The following CDC27 variants were observed in gnomAD, a reference collection of about 807,000 sequenced individuals.
The protein encoded by CDC27 is cell division cycle 27.
Under a neutral mutation model 109.7 loss-of-function variants are expected in CDC27, and 27 were observed. The ratio of observed to expected loss-of-function variants is 0.25; its 90% CI spans 0.18 to 0.34. The LOEUF is 0.34. Among genes scored for constraint, CDC27 ranks in the 10% least tolerant of loss-of-function variants. CDC27 has a pLI of 1.00. For synonymous variants in CDC27, 266 were observed against 333.9 expected, an observed-to-expected ratio of 0.80 and a Z score of 2.22; for missense variants, 579 against 960.2, an observed-to-expected ratio of 0.60 and a Z score of 5.25.
intron 11 of CDC27, 57 bp from the exon 12 acceptor site, chr17:47,142,082 T>G: frequency 7.5e-7 from 1 of 1,338,240 alleles, no homozygotes. Flanking sequence ...AGTCTGCTTC[T>G]CTAGAAAAGG....
chr17:47,127,092 C>T (rs1031342153), intron 16 of CDC27, among the ~76,000 whole-genome samples: 1 of 152,050 alleles, frequency 6.6e-6, no homozygotes, highest in African/African-American at 2.4e-5. Flanking sequence ...CGGCACCTGG[C>T]CCTAAAAGAA....
intron 18 of CDC27, 112 bp downstream of exon 18, chr17:47,122,331 AT>A: frequency 1.5e-6 from 1 of 681,686 alleles, no homozygotes; most frequent in South Asian, 3.4e-5. Flanking sequence ...CTAAAAGTCC[AT>A]TTGGTATAAT....
At position 47,121,034 on chromosome 17, in the gene CDC27, G is replaced by A. The variant is rs938904; in HGVS notation, c.2393-17C>T. 613,210 of 1,563,096 alleles carry A rather than the reference G, an allele frequency of 0.39. 122,444 individuals are homozygous for A. Among genetic ancestry groups the A allele is most frequent in the Admixed American group, 0.46 (26,696 of 58,482 alleles). Reference sequence around the variant, plus strand: ...CTGTTCCCACTTTAAAAATAAAACAGAAGTCCACAGTAAGTTTTCTGACAA... The same window carrying A: ...CTGTTCCCACTTTAAAAATAAAACAAAAGTCCACAGTAAGTTTTCTGACAA... On this transcript the variant is annotated splice_polypyrimidine_tract_variant and intron_variant, in intron 18 of 18. Transcript: ENST00000066544.
At chr17:47,159,241 T>C in intron 4 of CDC27, 9 of 516,234 alleles carry the variant, frequency 1.7e-5, no homozygotes, top group Non-Finnish European at 6.7e-6. Context: ...GAGACTCTAG[T>C]GTGGGTCTTG....
At position 47,118,699 on chromosome 17, in the gene CDC27, G is replaced by A. The variant is rs151090024; in HGVS notation, c.*2236C>T. ...GCTTGATCAAAATGTGTTCTTCTTC[G>A]GGTTGTTTGATCCCCATTCCATGCA... On this transcript the variant is annotated 3_prime_UTR_variant, in exon 19 of 19. Transcript: ENST00000066544. 5.9e-5 allele frequency: 9 copies of A among 152,596 alleles called. No individual in the cohort carries two copies. The East Asian group carries it at 1.7e-3, about 29-fold the overall frequency. The allele number at this position is 152,596 out of a possible 1,614,324, so 9.5% of individuals were successfully genotyped here.
chr17:47,129,592 T>C, intron 15 of CDC27, 71 bp from the exon 16 acceptor site: 1 of 1,045,082 alleles, frequency 9.6e-7, no homozygotes, highest in Non-Finnish European at 1.4e-6. Flanking sequence ...CCAACGTGAC[T>C]CAAAACCAAC....
intron 4 of CDC27, among the ~76,000 whole-genome samples, chr17:47,169,183 G>A (rs1459927420): frequency 6.6e-6 from 1 of 151,578 alleles, no homozygotes; most frequent in Non-Finnish European, 1.5e-5. Context: ...TAGAGATGGG[G>A]TCTTGGTATG....
At position 47,187,654 on chromosome 17, in the gene CDC27, T is replaced by C. The variant is rs563084016; in HGVS notation, c.27+1492A>G. Among the ~76,000 whole-genome samples the C allele has an allele frequency of 2.1e-3, 323 of 151,456 alleles. 4 individuals are homozygous for C. Among genetic ancestry groups the C allele is most frequent in the African/African-American group, 7.3e-3 (302 of 41,228 alleles). On this transcript the variant is annotated intron_variant, in intron 1 of 18. Coordinates refer to ENST00000066544, the MANE Select transcript of CDC27 (RefSeq NM_001256.6). ...ATTATTAAATGGTGGTTATAGTCTA[T>C]CAATGCAACTAGTTTATCACTTTAG...
chr17:47,179,666 C>T (rs1567720521), intron 2 of CDC27, among the ~76,000 whole-genome samples: 1 of 152,172 alleles, frequency 6.6e-6, no homozygotes, highest in Non-Finnish European at 1.5e-5. Flanking sequence ...TCTGCTCTTA[C>T]TACACTTAAT....
intron 2 of CDC27, among the ~76,000 whole-genome samples, chr17:47,173,680 T>C (rs1246809555): frequency 6.6e-6 from 1 of 150,706 alleles, no homozygotes; most frequent in African/African-American, 2.4e-5. Flanking sequence ...ATTCTTTTTG[T>C]GTGTACATGT....
At chr17:47,184,645 T>A (rs963663555) in intron 1 of CDC27, among the ~76,000 whole-genome samples, 1 of 152,224 alleles carries the variant, frequency 6.6e-6, no homozygotes, top group Admixed American at 6.5e-5. Flanking sequence ...CATTCCCTTA[T>A]CACCAGTTCT....
chr17:47,147,269 C>T (rs533350392), intron 9 of CDC27, among the ~76,000 whole-genome samples: 18 of 151,512 alleles, frequency 1.2e-4, no homozygotes, highest in African/African-American at 3.9e-4. Context: ...CATGGTGGCG[C>T]GCGCCTGTAG....
chr17:47,152,597 G>A (rs1330448705), intron 8 of CDC27, among the ~76,000 whole-genome samples: 1 of 151,910 alleles, frequency 6.6e-6, no homozygotes, highest in Admixed American at 6.6e-5. Context: ...AATGATCTAT[G>A]ACTATTGTAT....
chr17:47,134,791 T>C (rs1041162815), intron 14 of CDC27, among the ~76,000 whole-genome samples: 2 of 150,460 alleles, frequency 1.3e-5, no homozygotes, highest in East Asian at 1.9e-4. Context: ...TTTTCTTTTT[T>C]TTTTTTTTTT....
chr17:47,154,172 A>C (rs748101806), intron 8 of CDC27, among the ~76,000 whole-genome samples: 3 of 151,958 alleles, frequency 2.0e-5, no homozygotes, highest in Non-Finnish European at 4.4e-5. Flanking sequence ...TTTCATGTTA[A>C]AACTATACAT....
intron 4 of CDC27, 169 bp downstream of exon 4, chr17:47,169,748 G>C (rs1400448131): frequency 1.4e-5 from 6 of 423,324 alleles, no homozygotes; most frequent in Non-Finnish European, 1.2e-5. Context: ...TAAGTGGAGA[G>C]TTCAAACTTA....
chr17:47,136,020 T>C (rs1312368877), intron 14 of CDC27, among the ~76,000 whole-genome samples: 2 of 152,266 alleles, frequency 1.3e-5, no homozygotes, highest in South Asian at 4.1e-4. Context: ...CAGGCACCTG[T>C]AGTCCCAGCT....
chr17:47,136,725 C>T lies in CDC27; in HGVS notation c.1913+427G>A, dbSNP rs187942016. 7.2e-5 allele frequency among the ~76,000 whole-genome samples: 11 copies of T among 152,288 alleles called. No homozygotes were observed. In the East Asian group the frequency reaches 1.9e-3, roughly 27 times the overall value. ...GTAACTCAATAAACCAGAACACTGT[C>T]AAAAAGCAGCAACTAGTAAATTTTT... On this transcript the variant is annotated intron_variant, in intron 14 of 18. Transcript: ENST00000066544.
rs577617261 is a variant in CDC27 at position 47,168,251 on chromosome 17, GA to G, written c.377+1665del. Among the ~76,000 whole-genome samples, 301 of 152,262 alleles carry G rather than the reference GA, an allele frequency of 2.0e-3. 1 individual carries two copies. Among genetic ancestry groups the G allele is most frequent in the African/African-American group, 7.0e-3 (290 of 41,554 alleles). ...TCCTGGGAGGTTGCGGGGTGGGGAT[GA>G]AAAGTCCCAATCCTCTAATCCTGCC... On this transcript the variant is annotated intron_variant, in intron 4 of 18. Coordinates refer to ENST00000066544, the MANE Select transcript of CDC27 (RefSeq NM_001256.6).
Sources: allele counts gnomAD v4.1 joint callset (sites outside exome capture counted in the v4.1 genomes callset), GRCh38; gene constraint gnomAD v4.1.1; transcripts MANE v1.5; gene names NCBI Gene and HGNC (gene_info 2026-07-23, HGNC 2026-07-21).